FZR1: variants seen among roughly 807,000 people sequenced by gnomAD.
FZR1 encodes fizzy-related protein homolog.
In FZR1, 11 loss-of-function variants were observed where a neutral mutation model predicts 63.6. The ratio of observed to expected loss-of-function variants is 0.17; its 90% CI spans 0.11 to 0.29. The LOEUF is 0.29. Among genes scored for constraint, FZR1 ranks in the 10% least tolerant of loss-of-function variants. The pLI is 1.00. For synonymous variants in FZR1, 328 were observed against 297.9 expected, an observed-to-expected ratio of 1.10 and a Z score of -1.04; for missense variants, 440 against 687.5, an observed-to-expected ratio of 0.64 and a Z score of 4.03.
intron 1 of FZR1, among the ~76,000 whole-genome samples, chr19:3,509,820 T>C (rs752985518): frequency 3.3e-5 from 5 of 152,226 alleles, no homozygotes; most frequent in Non-Finnish European, 7.3e-5. Flanking sequence ...TTCCGTGATG[T>C]GGAGGCACCG....
intron 1 of FZR1, among the ~76,000 whole-genome samples, chr19:3,518,980 G>C (rs1179279100): frequency 6.6e-6 from 1 of 152,226 alleles, no homozygotes; most frequent in East Asian, 1.9e-4. Context: ...GGGTGGGTGG[G>C]GCTGTGGCCC....
rs1326959970 is a variant in FZR1 at position 3,515,507 on chromosome 19, G to T, written c.-34-7449G>T. On this transcript the variant is annotated intron_variant, in intron 1 of 13. Transcript: ENST00000441788. This position sits in a 1 kb window ranked among gnomAD's most constrained non-coding sequence, Gnocchi z 4.6. ...GTACAGGCCGGGCGCGGTGGCTCAC[G>T]CTTGTAATCCCAGCACTTTGGGAGG... Among the ~76,000 whole-genome samples the T allele has an allele frequency of 1.3e-5, 2 of 152,084 alleles. No homozygotes were observed. Among genetic ancestry groups the T allele is most frequent in the Admixed American group, 1.3e-4 (2 of 15,260 alleles).
In FZR1 at chr19:3,515,246, G is replaced by A. The variant is rs2083050658; in HGVS notation, c.-34-7710G>A. ...GGTTGCTGCTAAACTCCCTCGACCC[G>A]GTCTGAGCCTTTCCACACGGCCACA... On this transcript the variant is annotated intron_variant, in intron 1 of 13. Coordinates refer to ENST00000441788, the MANE Select transcript of FZR1 (RefSeq NM_016263.4). The surrounding 1 kb of genome is among the most constrained non-coding windows in gnomAD (Gnocchi z 4.6). Among the ~76,000 whole-genome samples the A allele has an allele frequency of 6.6e-6, 1 of 152,176 alleles. No homozygotes were observed. Among genetic ancestry groups the A allele is most frequent in the South Asian group, 2.1e-4 (1 of 4,830 alleles).
At chr19:3,508,351 A>G (rs2083001104) in intron 1 of FZR1, among the ~76,000 whole-genome samples, 1 of 151,620 alleles carries the variant, frequency 6.6e-6, no homozygotes, top group Non-Finnish European at 1.5e-5. Context: ...TGTGCGCACC[A>G]CGCCCGGCTA....
chr19:3,527,124 G>A (rs2083168082), intron 6 of FZR1, 62 bp downstream of exon 6: 1 of 1,332,512 alleles, frequency 7.5e-7, no homozygotes, highest in East Asian at 2.3e-5. Flanking sequence ...AGCAAGAGGT[G>A]GGTCCCAGCT....
rs1368643650 is a variant in FZR1, at chr19:3,526,348, C to G, written c.349C>G (p.Leu117Val). The change falls in exon 5 of 14, where the codon CTG (leucine) becomes GTG (valine). Residue 117 changes from leucine to valine, a missense_variant. Leu to Val is a conservative substitution (Grantham distance 32). Around this residue, in one of 5 missense-constraint regions of FZR1, gnomAD observed 200 missense variants for 245.1 expected, o/e 0.82. Transcript: ENST00000441788. The surrounding 1 kb of genome is among the most constrained non-coding windows in gnomAD (Gnocchi z 5.4). ...VQDPQTEDRRLQPSTPEKKGL... is the reference protein window; with the variant it reads ...VQDPQTEDRRVQPSTPEKKGL... ...GGACCCGCAGACTGAGGACCGCAGG[C>G]TGCAGCCCTCCACGCCTGAGAAGAA... 3 of 1,599,752 alleles carry G rather than the reference C, an allele frequency of 1.9e-6. No homozygotes were observed. The highest frequency in any genetic ancestry group is 1.3e-5 in the African/African-American group (1 of 74,496).
At chr19:3,507,599 C>A (rs1269152112) in intron 1 of FZR1, among the ~76,000 whole-genome samples, 2 of 152,204 alleles carry the variant, frequency 1.3e-5, no homozygotes, top group Non-Finnish European at 2.9e-5. Flanking sequence ...CCACCCCAAC[C>A]TATGTGCTTT....
intron 10 of FZR1, 72 bp from the exon 11 acceptor site, chr19:3,532,345 C>CA: frequency 5.6e-6 from 7 of 1,255,276 alleles, no homozygotes; most frequent in Non-Finnish European, 7.7e-6. Context: ...GGCAGGTCGT[C>CA]ACACCTGTGA....
rs77259974 is a variant in FZR1 at position 3,527,915 on chromosome 19, G to A, written c.654+101G>A. The A allele has an allele frequency of 2.6e-4, 239 of 917,240 alleles. 4 individuals carry two copies. The East Asian group carries it at 6.1e-3, about 24-fold the overall frequency. 56.8% of individuals were successfully genotyped at this position (917,240 alleles called of 1,614,324 possible). A position where few individuals can be genotyped will look rare whatever the true frequency, so the allele number is the denominator to read the frequency against. On this transcript the variant is annotated intron_variant, in intron 7 of 13. Coordinates refer to ENST00000441788, the MANE Select transcript of FZR1 (RefSeq NM_016263.4). Reference sequence around the variant, plus strand: ...TCCAGGGAGCATCAGTACGAGCCAGGCGCCTGCCATGGCCCTCCTAGCTGG... The same window carrying A: ...TCCAGGGAGCATCAGTACGAGCCAGACGCCTGCCATGGCCCTCCTAGCTGG...
At chr19:3,518,011 C>CT (rs1220242480) in intron 1 of FZR1, among the ~76,000 whole-genome samples, 4,037 of 109,476 alleles carry the variant, frequency 0.037, 116 homozygotes, top group Middle Eastern at 0.11. Context: ...CTGTTTCTTT[C>CT]TTTTTTTTTT....
At position 3,536,083 on chromosome 19, in the gene FZR1, T is replaced by A. The variant is rs1394557612; in HGVS notation, c.*1247T>A. ...GGTTGGAGGGTCCCACCCACCACCC[T>A]GCTGTGCTTGGGAACCCCCACTCCC... On this transcript the variant is annotated 3_prime_UTR_variant, in exon 14 of 14. Coordinates refer to ENST00000441788, the MANE Select transcript of FZR1 (RefSeq NM_016263.4). 6.6e-6 allele frequency: 1 copy of A among 152,166 alleles called. No homozygotes were observed. The highest frequency in any genetic ancestry group is 1.5e-5 in the Non-Finnish European group (1 of 68,036). 9.4% of individuals were successfully genotyped at this position (152,166 alleles called of 1,614,324 possible).
intron 6 of FZR1, 34 bp downstream of exon 6, chr19:3,527,096 T>A: frequency 6.8e-7 from 1 of 1,463,558 alleles, no homozygotes; most frequent in Non-Finnish European, 9.6e-7. Flanking sequence ...CCCTCCCTAC[T>A]CCCTGTCTCC....
chr19:3,532,527 G>T lies in FZR1; in HGVS notation c.1119G>T (p.Ser373=). ...CACATCAGCACGGGCTGCTGGCCTC[G>T]GGGGGCGGCACAGCTGACCGCTGTA... ...WSPHQHGLLA[S]GGGTADRCIR... The change falls in exon 11 of 14, where the codon TCG becomes TCT. Residue 373 remains serine (S), a synonymous_variant. Transcript: ENST00000441788. 6.2e-7 allele frequency: 1 copy of T among 1,611,584 alleles called. No individual in the cohort carries two copies. The highest frequency in any genetic ancestry group is 1.1e-5 in the South Asian group (1 of 91,024).
At chr19:3,529,249 T>C (rs1181530576) in intron 7 of FZR1, among the ~76,000 whole-genome samples, 2 of 132,058 alleles carry the variant, frequency 1.5e-5, no homozygotes, top group African/African-American at 2.9e-5. Context: ...TGAGAGTGGT[T>C]GAGGGAGTGG....
At chr19:3,521,747 G>A (rs1284315043) in intron 1 of FZR1, among the ~76,000 whole-genome samples, 12 of 152,200 alleles carry the variant, frequency 7.9e-5, no homozygotes, top group Admixed American at 4.6e-4. Flanking sequence ...TGATCCACCC[G>A]CCTCGGCCTC....
chr19:3,532,450 G>T lies in FZR1; in HGVS notation c.1042G>T (p.Val348Leu). 6 of 1,597,134 alleles carry T rather than the reference G, an allele frequency of 3.8e-6. No homozygotes were observed. The highest frequency in any genetic ancestry group is 5.1e-6 in the Non-Finnish European group (6 of 1,170,044). The change falls in exon 11 of 14, where the codon GTG (valine) becomes TTG (leucine). Residue 348 changes from valine (V) to leucine (L), a missense_variant. Coordinates refer to ENST00000441788, the MANE Select transcript of FZR1 (RefSeq NM_016263.4). Reference sequence around the variant, plus strand: ...CTGGAATCACTCGAGCCTGAGCCCCGTGCAGCAGTACACGGAGCACCTGGC... The same window carrying T: ...CTGGAATCACTCGAGCCTGAGCCCCTTGCAGCAGTACACGGAGCACCTGGC... The part of the protein sequence containing the change: ...LVWNHSSLSP[V>L]QQYTEHLAAV...
intron 1 of FZR1, among the ~76,000 whole-genome samples, chr19:3,507,718 G>C (rs10404240): frequency 0.58 from 88,908 of 152,218 alleles, 28,190 homozygotes; most frequent in East Asian, 0.84. Flanking sequence ...TCTCTCTCGG[G>C]GTGGGGGTGG....
chr19:3,524,129 A>G (rs1482559055), intron 2 of FZR1, among the ~76,000 whole-genome samples: 3 of 152,220 alleles, frequency 2.0e-5, no homozygotes, highest in Non-Finnish European at 4.4e-5. Context: ...ATCTGTGTGC[A>G]CAGAGAGGAT....
chr19:3,527,499 C>T, intron 6 of FZR1, 132 bp from the exon 7 acceptor site: 1 of 687,526 alleles, frequency 1.5e-6, no homozygotes, highest in South Asian at 1.8e-5. Context: ...TTTAGGATCA[C>T]ATGGTGGCGG....
Sources: allele counts gnomAD v4.1 joint callset (sites outside exome capture counted in the v4.1 genomes callset), GRCh38; gene constraint gnomAD v4.1.1; regional missense constraint gnomAD v4.1.1; non-coding constraint Gnocchi (gnomAD v3.1); transcripts MANE v1.5; gene names NCBI Gene and HGNC (gene_info 2026-07-23, HGNC 2026-07-21).